Variants in SNTG1 observed in about 807,000 individuals in gnomAD.
The protein encoded by SNTG1 is syntrophin gamma 1.
Under a neutral mutation model 74.7 loss-of-function variants are expected in SNTG1, and 39 were observed. The ratio of observed to expected loss-of-function variants is 0.52; its 90% CI spans 0.40 to 0.68. The LOEUF is 0.68. Among genes scored for constraint, SNTG1 ranks in the 30% least tolerant of loss-of-function variants. The pLI, the probability that SNTG1 is intolerant of heterozygous loss-of-function variation, is 0.00. For missense variants in SNTG1, 685 were observed against 609.5 expected (o/e 1.12, Z -1.30); for synonymous variants, 254 against 217.1 (o/e 1.17, Z -1.49).
At chr8:50,663,412 G>A (rs1287770094) in intron 15 of SNTG1, among the ~76,000 whole-genome samples, 1 of 152,116 alleles carries the variant, frequency 6.6e-6, no homozygotes, top group Admixed American at 6.6e-5. Context: ...AGGGGCCAGA[G>A]GGGAGTGCTC....
At chr8:50,524,688 C>T (rs963285155) in intron 9 of SNTG1, among the ~76,000 whole-genome samples, 3 of 114,698 alleles carry the variant, frequency 2.6e-5, no homozygotes, top group Admixed American at 1.6e-4. Flanking sequence ...CAACTACATA[C>T]ATATTTACAT....
intron 2 of SNTG1, among the ~76,000 whole-genome samples, chr8:50,390,723 G>C (rs1014213071): frequency 2.0e-5 from 3 of 152,124 alleles, no homozygotes; most frequent in Admixed American, 2.0e-4. Context: ...TTTTCCATTT[G>C]TTTGTGTCCT....
At chr8:50,337,225 G>C (rs897584017) in intron 2 of SNTG1, among the ~76,000 whole-genome samples, 1 of 152,138 alleles carries the variant, frequency 6.6e-6, no homozygotes, top group African/African-American at 2.4e-5. Flanking sequence ...AAACCACCAC[G>C]CCTAAAACTG....
At chr8:50,539,441 T>C (rs2094330718) in intron 11 of SNTG1, among the ~76,000 whole-genome samples, 2 of 152,106 alleles carry the variant, frequency 1.3e-5, no homozygotes, top group Non-Finnish European at 2.9e-5. Flanking sequence ...TCATATTTCT[T>C]GGTTACTAAA....
chr8:50,081,820 A>C (rs1195323080), intron 1 of SNTG1, among the ~76,000 whole-genome samples: 3 of 152,086 alleles, frequency 2.0e-5, no homozygotes, highest in African/African-American at 7.2e-5. Context: ...TTTAGTAGAG[A>C]GGAGGTTTCA....
intron 2 of SNTG1, among the ~76,000 whole-genome samples, chr8:50,321,366 G>A (rs1177279451): frequency 6.6e-6 from 1 of 151,376 alleles, no homozygotes; most frequent in South Asian, 2.1e-4. Context: ...TCTTTTTTTG[G>A]TTTTAATTTG....
At chr8:49,924,586 T>TCAC (rs1806848629) in intron 1 of SNTG1, among the ~76,000 whole-genome samples, 1 of 152,200 alleles carries the variant, frequency 6.6e-6, no homozygotes, top group Non-Finnish European at 1.5e-5. Flanking sequence ...ATGATCAGGT[T>TCAC]AGGAAGCTGA....
chr8:50,268,372 C>A (rs1035843222), intron 2 of SNTG1, among the ~76,000 whole-genome samples: 1 of 152,080 alleles, frequency 6.6e-6, no homozygotes, highest in Non-Finnish European at 1.5e-5. Flanking sequence ...TAATATCCAT[C>A]AACATCTAGC....
intron 2 of SNTG1, among the ~76,000 whole-genome samples, chr8:50,380,807 A>T (rs922028384): frequency 2.0e-5 from 3 of 152,158 alleles, no homozygotes; most frequent in Non-Finnish European, 4.4e-5. Flanking sequence ...TTCTTATCAT[A>T]ATTGATGATA....
chr8:50,021,846 C>T (rs1180200351), intron 1 of SNTG1, among the ~76,000 whole-genome samples: 1 of 150,984 alleles, frequency 6.6e-6, no homozygotes, highest in Admixed American at 6.6e-5. Flanking sequence ...AATACTGAGG[C>T]AGGAGGCTTG....
intron 1 of SNTG1, among the ~76,000 whole-genome samples, chr8:49,985,133 T>G (rs1451815179): frequency 6.6e-6 from 1 of 152,190 alleles, no homozygotes; most frequent in Non-Finnish European, 1.5e-5. Flanking sequence ...GAACATGTTT[T>G]AAAAGTGGAA....
intron 2 of SNTG1, among the ~76,000 whole-genome samples, chr8:50,371,830 A>C (rs1432154892): frequency 6.6e-6 from 1 of 152,104 alleles, no homozygotes; most frequent in Non-Finnish European, 1.5e-5. Flanking sequence ...ACTTAAAATC[A>C]ATTTTGTGTA....
chr8:50,365,782 G>C (rs1014724530), intron 2 of SNTG1, among the ~76,000 whole-genome samples: 1 of 151,950 alleles, frequency 6.6e-6, no homozygotes, highest in Non-Finnish European at 1.5e-5. Context: ...CACAAATTAC[G>C]AGTGGTAAAG....
intron 1 of SNTG1, among the ~76,000 whole-genome samples, chr8:50,030,639 T>C (rs1163044822): frequency 6.6e-6 from 1 of 152,106 alleles, no homozygotes; most frequent in Non-Finnish European, 1.5e-5. Flanking sequence ...CCTCTCTTGC[T>C]AGGCATTAGA....
intron 11 of SNTG1, among the ~76,000 whole-genome samples, chr8:50,538,140 C>T (rs182628248): frequency 3.3e-5 from 5 of 152,148 alleles, no homozygotes; most frequent in East Asian, 1.9e-4. Flanking sequence ...CTACTGGTAA[C>T]GTTTTACCAC....
intron 2 of SNTG1, among the ~76,000 whole-genome samples, chr8:50,216,075 T>C (rs1360653222): frequency 1.3e-5 from 2 of 152,164 alleles, no homozygotes; most frequent in Non-Finnish European, 2.9e-5. Flanking sequence ...GTCTGATTCT[T>C]TGGTACTGAC....
At chr8:50,035,357 C>T (rs1216289906) in intron 1 of SNTG1, among the ~76,000 whole-genome samples, 1 of 152,148 alleles carries the variant, frequency 6.6e-6, no homozygotes, top group Non-Finnish European at 1.5e-5. Context: ...CTTCTCATGC[C>T]ATGTCCTCTC....
intron 13 of SNTG1, among the ~76,000 whole-genome samples, chr8:50,597,565 G>A (rs989670384): frequency 5.9e-5 from 9 of 151,648 alleles, no homozygotes; most frequent in Admixed American, 3.9e-4. Flanking sequence ...TCTTTTGAGT[G>A]TATACTCAGT....
chr8:50,018,092 C>T (rs1816499075), intron 1 of SNTG1, among the ~76,000 whole-genome samples: 1 of 151,948 alleles, frequency 6.6e-6, no homozygotes, highest in Non-Finnish European at 1.5e-5. Flanking sequence ...GGCAATATAC[C>T]TTGCATTAAT....
Sources: gnomAD v4.1 joint callset for allele counts (sites outside exome capture counted in the v4.1 genomes callset) on GRCh38, gnomAD v4.1.1 for gene constraint, MANE v1.5 for transcripts, NCBI Gene and HGNC (gene_info 2026-07-23, HGNC 2026-07-21) for gene names.